Variants in PDS5B observed in about 807,000 individuals in gnomAD.
PDS5B encodes the protein sister chromatid cohesion protein PDS5 homolog B.
Under a neutral mutation model 184.1 loss-of-function variants are expected in PDS5B, and 51 were observed. The ratio of observed to expected loss-of-function variants is 0.28; its 90% CI spans 0.22 to 0.35. The LOEUF (loss-of-function observed/expected upper bound fraction) is 0.35. Among genes scored for constraint, PDS5B ranks in the 10% least tolerant of loss-of-function variants. The pLI, the probability that PDS5B is intolerant of heterozygous loss-of-function variation, is 1.00. For synonymous variants in PDS5B, 566 were observed against 569.2 expected, an observed-to-expected ratio of 0.99 and a Z score of 0.08; for missense variants, 1,180 against 1,723.3, an observed-to-expected ratio of 0.68 and a Z score of 5.58.
intron 25 of PDS5B, among the ~76,000 whole-genome samples, chr13:32,754,099 C>T (rs908152816): frequency 5.3e-5 from 8 of 152,162 alleles, no homozygotes; most frequent in Non-Finnish European, 2.9e-5. Context: ...AATTCTTTCT[C>T]CAAATGTCTT....
At chr13:32,714,947 A>C (rs1282528293) in intron 19 of PDS5B, among the ~76,000 whole-genome samples, 1 of 152,212 alleles carries the variant, frequency 6.6e-6, no homozygotes, top group Non-Finnish European at 1.5e-5. Flanking sequence ...GTGTCCATGA[A>C]ATCTTTACAA....
At chr13:32,761,233 A>G (rs1040804629) in intron 30 of PDS5B, among the ~76,000 whole-genome samples, 1 of 152,212 alleles carries the variant, frequency 6.6e-6, no homozygotes, top group Non-Finnish European at 1.5e-5. Flanking sequence ...ATGTTAACCT[A>G]GTATAGAAAG....
rs73448677 is a variant in PDS5B, at chr13:32,701,119, C to T, written c.1741-204C>T. 4.4e-3 allele frequency: 1,948 copies of T among 442,442 alleles called. 40 individuals carry two copies. The highest frequency in any genetic ancestry group is 0.035 in the African/African-American group (1,749 of 50,418). 27.4% of individuals were successfully genotyped at this position (442,442 alleles called of 1,614,324 possible). A position where few individuals can be genotyped will look rare whatever the true frequency, so the allele number is the denominator to read the frequency against. On this transcript the variant is annotated intron_variant, in intron 16 of 34. Transcript: ENST00000315596. ...TCAATACAGTGTATTGACTAGTCTACCTTTTCCCTGATTACTTGAAATATT... is the reference window on the plus strand; with the variant it reads ...TCAATACAGTGTATTGACTAGTCTATCTTTTCCCTGATTACTTGAAATATT...
chr13:32,744,139 A>G (rs1225790214), intron 23 of PDS5B, among the ~76,000 whole-genome samples: 1 of 152,138 alleles, frequency 6.6e-6, no homozygotes, highest in Non-Finnish European at 1.5e-5. Flanking sequence ...AGCTGCTTTT[A>G]TTTATCAGCA....
At chr13:32,757,718 TA>T (rs1203720274) in intron 26 of PDS5B, among the ~76,000 whole-genome samples, 23 of 152,208 alleles carry the variant, frequency 1.5e-4, no homozygotes, top group Admixed American at 1.5e-3. Flanking sequence ...CAGTCTTGAG[TA>T]TCTGAGGCCT....
intron 1 of PDS5B, among the ~76,000 whole-genome samples, chr13:32,587,772 A>G (rs1276829717): frequency 6.6e-6 from 1 of 152,236 alleles, no homozygotes; most frequent in Non-Finnish European, 1.5e-5. Context: ...CGTACTTTTA[A>G]TAAGAGGTGA....
intron 6 of PDS5B, among the ~76,000 whole-genome samples, chr13:32,667,141 G>A (rs1950819360): frequency 6.6e-6 from 1 of 152,124 alleles, no homozygotes; most frequent in Non-Finnish European, 1.5e-5. Flanking sequence ...TTAAACTGGG[G>A]TAGTGACTCC....
intron 1 of PDS5B, among the ~76,000 whole-genome samples, chr13:32,638,832 G>A (rs2058609441): frequency 6.6e-6 from 1 of 152,024 alleles, no homozygotes; most frequent in African/African-American, 2.4e-5. Context: ...AGGAAGGAAT[G>A]GGGAAGGAGG....
intron 1 of PDS5B, among the ~76,000 whole-genome samples, chr13:32,589,461 C>G (rs1015490029): frequency 2.0e-5 from 3 of 152,068 alleles, no homozygotes; most frequent in African/African-American, 4.8e-5. Context: ...TTTAGGTTGT[C>G]TCAGAAGATA....
chr13:32,712,500 T>G (rs1397800889), intron 19 of PDS5B, among the ~76,000 whole-genome samples: 1 of 152,204 alleles, frequency 6.6e-6, no homozygotes, highest in Non-Finnish European at 1.5e-5. Context: ...TAAGAGAATG[T>G]TGATTAAACT....
At chr13:32,687,602 T>C (rs562784867) in intron 12 of PDS5B, among the ~76,000 whole-genome samples, 1 of 152,296 alleles carries the variant, frequency 6.6e-6, no homozygotes, top group East Asian at 1.9e-4. Flanking sequence ...TCTTCATTAA[T>C]TTTTTTCAAA....
chr13:32,673,419 C>A, intron 8 of PDS5B, 63 bp downstream of exon 8: 1 of 1,389,078 alleles, frequency 7.2e-7, no homozygotes, highest in Non-Finnish European at 9.9e-7. Context: ...TTATTTATAG[C>A]TTTTTAATTT....
intron 10 of PDS5B, among the ~76,000 whole-genome samples, chr13:32,680,218 A>G (rs1054054904): frequency 5.3e-5 from 8 of 151,964 alleles, no homozygotes; most frequent in Admixed American, 4.6e-4. Context: ...GAAAGCCCTG[A>G]GTATATGCTT....
chr13:32,679,945 C>T (rs1001154899), intron 10 of PDS5B, among the ~76,000 whole-genome samples: 1 of 149,954 alleles, frequency 6.7e-6, no homozygotes, highest in Admixed American at 6.6e-5. Flanking sequence ...TTTCTCCTTC[C>T]CTTTTTCTCT....
chr13:32,772,493 A>G (rs1490138171), intron 33 of PDS5B, among the ~76,000 whole-genome samples: 2 of 152,218 alleles, frequency 1.3e-5, no homozygotes, highest in Non-Finnish European at 2.9e-5. Context: ...GGTGGCATGA[A>G]CACTATATTT....
chr13:32,724,556 A>G (rs1445308459), intron 19 of PDS5B, among the ~76,000 whole-genome samples: 1 of 151,802 alleles, frequency 6.6e-6, no homozygotes, highest in African/African-American at 2.4e-5. Context: ...TCCCTTAGAC[A>G]TAATTTGATA....
chr13:32,649,557 A>G (rs894022483), intron 2 of PDS5B: 1 of 152,152 alleles, frequency 6.6e-6, no homozygotes, highest in African/African-American at 2.4e-5. Flanking sequence ...CTAGATATTT[A>G]TGTTGCTTGA....
intron 22 of PDS5B, among the ~76,000 whole-genome samples, chr13:32,741,836 C>CT (rs1206184765): frequency 6.6e-6 from 1 of 151,790 alleles, no homozygotes; most frequent in Non-Finnish European, 1.5e-5. Flanking sequence ...ATAGCCCCAC[C>CT]TTTACATCAA....
chr13:32,769,178 A>T (rs1954692474), intron 31 of PDS5B, among the ~76,000 whole-genome samples: 2 of 152,124 alleles, frequency 1.3e-5, no homozygotes, highest in Admixed American at 1.3e-4. Context: ...AAATAAGCAT[A>T]GAGGCATACA....
Sources: allele counts gnomAD v4.1 joint callset (sites outside exome capture counted in the v4.1 genomes callset), GRCh38; gene constraint gnomAD v4.1.1; transcripts MANE v1.5; gene names NCBI Gene and HGNC (gene_info 2026-07-23, HGNC 2026-07-21).